Variants in RAB3C observed in about 807,000 individuals in gnomAD.
RAB3C encodes the protein RAB3C, member RAS oncogene family, also known as ras-related protein Rab-3C.
RAB3C carries 17 observed loss-of-function variants against 26.4 expected under a neutral mutation model. The observed-to-expected ratio is 0.64, with a 90% CI of 0.44 to 0.97. The LOEUF (loss-of-function observed/expected upper bound fraction) is 0.97, where lower values mean the gene tolerates loss of function less well. Among genes scored for constraint, RAB3C ranks in the 50% least tolerant of loss-of-function variants. RAB3C has a pLI of 0.00. For synonymous variants in RAB3C, 91 were observed against 95.9 expected (o/e 0.95, Z 0.30); for missense variants, 242 against 281.9 (o/e 0.86, Z 1.01).
Position 58,694,785 on chromosome 5 carries a change from G to GT in RAB3C, c.253-31210dup, listed in dbSNP as rs1285699865. On this transcript the variant is annotated intron_variant, in intron 2 of 4. Coordinates refer to ENST00000282878, the MANE Select transcript of RAB3C (RefSeq NM_138453.4). ...TGCCCACTTTTTGATGGGGCTGTTT[G>GT]TTTTTTTCTTGTAAATTTGAGTTCT... Among the ~76,000 whole-genome samples the GT allele has an allele frequency of 2.6e-5, 4 of 152,028 alleles. No individual in the cohort carries two copies. In the East Asian group the frequency reaches 5.8e-4, roughly 22 times the overall value.
intron 2 of RAB3C, among the ~76,000 whole-genome samples, chr5:58,698,867 G>A (rs752404142): frequency 3.9e-5 from 6 of 152,062 alleles, no homozygotes; most frequent in Admixed American, 6.6e-5. Context: ...TGATGGGTTC[G>A]AGCATCCTCC....
intron 3 of RAB3C, among the ~76,000 whole-genome samples, chr5:58,811,003 T>C (rs1743074516): frequency 6.6e-6 from 1 of 152,172 alleles, no homozygotes; most frequent in Non-Finnish European, 1.5e-5. Flanking sequence ...CATGGATCAT[T>C]CTAACCATAC....
chr5:58,634,521 C>T (rs1241566794), intron 2 of RAB3C, among the ~76,000 whole-genome samples: 1 of 152,150 alleles, frequency 6.6e-6, no homozygotes, highest in Non-Finnish European at 1.5e-5. Flanking sequence ...ATAAAACATG[C>T]AATTCATTTA....
At chr5:58,770,689 A>T (rs1015467039) in intron 3 of RAB3C, among the ~76,000 whole-genome samples, 1 of 152,200 alleles carries the variant, frequency 6.6e-6, no homozygotes, top group Admixed American at 6.5e-5. Flanking sequence ...CTAAAACAGG[A>T]AGTGAAATTT....
chr5:58,714,152 G>A (rs1749120214), intron 2 of RAB3C, among the ~76,000 whole-genome samples: 4 of 152,110 alleles, frequency 2.6e-5, no homozygotes, highest in Admixed American at 2.6e-4. Flanking sequence ...TTATTTCCTA[G>A]CCAATAGGAA....
chr5:58,624,419 G>C lies in RAB3C; in HGVS notation c.252+6549G>C, dbSNP rs576552932. 3.9e-5 allele frequency among the ~76,000 whole-genome samples: 6 copies of C among 152,306 alleles called. No individual in the cohort carries two copies. In the South Asian group the frequency reaches 8.3e-4, roughly 21 times the overall value. On this transcript the variant is annotated intron_variant, in intron 2 of 4. Transcript: ENST00000282878. ...CTGATTTTCCTCCCATTTTGCCCCT[G>C]TTTGAGCAGAGGTGGATTGATACTG...
intron 4 of RAB3C, 59 bp from the exon 5 acceptor site, chr5:58,851,105 T>G: frequency 6.7e-7 from 1 of 1,491,252 alleles, no homozygotes; most frequent in South Asian, 1.3e-5. Context: ...CATAATCAAG[T>G]CCCATTTAAT....
At chr5:58,698,186 G>A (rs561283988) in intron 2 of RAB3C, among the ~76,000 whole-genome samples, 7 of 152,064 alleles carry the variant, frequency 4.6e-5, no homozygotes, top group Non-Finnish European at 7.4e-5. Flanking sequence ...ACTTGTGAAG[G>A]TAATTTTGGC....
At chr5:58,706,691 C>G (rs2111888599) in intron 2 of RAB3C, among the ~76,000 whole-genome samples, 1 of 152,246 alleles carries the variant, frequency 6.6e-6, no homozygotes, top group Middle Eastern at 3.4e-3. Context: ...GTTGTGTAAT[C>G]TAACCTCTTA....
At chr5:58,740,171 A>G (rs1741246845) in intron 3 of RAB3C, among the ~76,000 whole-genome samples, 1 of 152,176 alleles carries the variant, frequency 6.6e-6, no homozygotes, top group African/African-American at 2.4e-5. Context: ...GGCATGGGAG[A>G]GCACAAAGCA....
chr5:58,644,541 T>C (rs116324623), intron 2 of RAB3C: 1 of 152,136 alleles, frequency 6.6e-6, no homozygotes, highest in African/African-American at 2.4e-5. Flanking sequence ...CATTTTAGAC[T>C]GTAAAGTTTG....
At chr5:58,694,104 G>A (rs992730889) in intron 2 of RAB3C, among the ~76,000 whole-genome samples, 1 of 151,920 alleles carries the variant, frequency 6.6e-6, no homozygotes, top group Non-Finnish European at 1.5e-5. Flanking sequence ...CCCACAACAG[G>A]CCCTGGTGTG....
At chr5:58,845,575 T>TTTAG (rs1202175204) in intron 4 of RAB3C, among the ~76,000 whole-genome samples, 9 of 143,548 alleles carry the variant, frequency 6.3e-5, no homozygotes, top group African/African-American at 2.4e-4. Context: ...TTCTCATTCA[T>TTTAG]TTAGGACAGT....
chr5:58,656,881 T>A (rs1052318025), intron 2 of RAB3C, among the ~76,000 whole-genome samples: 8 of 152,212 alleles, frequency 5.3e-5, no homozygotes, highest in Non-Finnish European at 1.0e-4. Context: ...GTCCCACTAC[T>A]GGGTATCTAC....
At chr5:58,748,271 CTG>C in intron 3 of RAB3C, among the ~76,000 whole-genome samples, 1 of 152,240 alleles carries the variant, frequency 6.6e-6, no homozygotes, top group African/African-American at 2.4e-5. Flanking sequence ...AAGCTTAAAA[CTG>C]TGCGTATTTT....
At chr5:58,636,504 A>G (rs1747292154) in intron 2 of RAB3C, among the ~76,000 whole-genome samples, 1 of 151,964 alleles carries the variant, frequency 6.6e-6, no homozygotes, top group Non-Finnish European at 1.5e-5. Context: ...CTTTTGCCTT[A>G]TTTATCTGCC....
At chr5:58,683,321 T>TATATA (rs1748384205) in intron 2 of RAB3C, among the ~76,000 whole-genome samples, 2 of 152,230 alleles carry the variant, frequency 1.3e-5, no homozygotes, top group Admixed American at 6.5e-5. Flanking sequence ...TTATATACTT[T>TATATA]TCCTCCTGGT....
intron 3 of RAB3C, among the ~76,000 whole-genome samples, chr5:58,795,411 C>T (rs1742620161): frequency 6.6e-6 from 1 of 152,192 alleles, no homozygotes; most frequent in Non-Finnish European, 1.5e-5. Context: ...TGTTCCATTT[C>T]CATTCTATCA....
At chr5:58,846,853 C>T (rs1744016674) in intron 4 of RAB3C, 1 of 151,950 alleles carries the variant, frequency 6.6e-6, no homozygotes, top group South Asian at 2.1e-4. Flanking sequence ...CTCCTCTTTC[C>T]TCAGCATAGC....
Sources: allele counts gnomAD v4.1 joint callset (sites outside exome capture counted in the v4.1 genomes callset), GRCh38; gene constraint gnomAD v4.1.1; transcripts MANE v1.5; gene names NCBI Gene and HGNC (gene_info 2026-07-23, HGNC 2026-07-21).